The following TENM2 variants were observed in gnomAD, a reference collection of about 807,000 sequenced individuals.
TENM2 encodes teneurin-2.
A neutral mutation model predicts 245.2 loss-of-function variants in TENM2; 52 were observed. The observed-to-expected ratio is 0.21, with a 90% CI of 0.17 to 0.27. The LOEUF (loss-of-function observed/expected upper bound fraction) is 0.27, where lower values mean the gene tolerates loss of function less well. Among genes scored for constraint, TENM2 ranks in the 10% least tolerant of loss-of-function variants. The probability of loss-of-function intolerance (pLI) is 1.00; values close to 1 mark genes in which losing one functional copy is unlikely to be tolerated. For synonymous variants in TENM2, 1,363 were observed against 1,438.9 expected, an observed-to-expected ratio of 0.95 and a Z score of 1.19; for missense variants, 3,046 against 3,666.8, an observed-to-expected ratio of 0.83 and a Z score of 4.37.
the TENM2 span, among the ~76,000 whole-genome samples, chr5:167,187,469 A>G: frequency 6.6e-6 from 1 of 152,198 alleles, no homozygotes; most frequent in Non-Finnish European, 1.5e-5. Flanking sequence ...TCTTAGCTTT[A>G]CATGACAGAT....
rs145919448 is a variant in TENM2, at chr5:168,072,610, A to G, written c.1515+10345A>G. ...TGAGATGCAGTCCAGAGTGGAGGAT[A>G]AGAGCTGACACTCTACGATCATCCT... On this transcript the variant is annotated intron_variant, in intron 7 of 28. Transcript: ENST00000518659. 9.3e-4 allele frequency among the ~76,000 whole-genome samples: 141 copies of G among 152,294 alleles called. 1 individual carries two copies. Among genetic ancestry groups the G allele is most frequent in the Middle Eastern group, 6.8e-3 (2 of 294 alleles).
At chr5:168,127,046 C>G in intron 12 of TENM2, 80 bp downstream of exon 14, 1 of 1,196,800 alleles carries the variant, frequency 8.4e-7, no homozygotes, top group Non-Finnish European at 1.2e-6. Flanking sequence ...TTCAGGGACA[C>G]AAGTGCTCTC....
intron 1 of TENM2, among the ~76,000 whole-genome samples, chr5:167,331,352 A>G (rs910124464): frequency 2.0e-5 from 3 of 152,202 alleles, no homozygotes; most frequent in African/African-American, 7.2e-5. Context: ...ATTATTTCAA[A>G]AATTAATGGC....
At chr5:167,985,691 C>T (rs1783191746) in intron 4 of TENM2, among the ~76,000 whole-genome samples, 1 of 152,146 alleles carries the variant, frequency 6.6e-6, no homozygotes, top group Non-Finnish European at 1.5e-5. Flanking sequence ...CACAGCCCTG[C>T]TAGGATTTTC....
At chr5:167,498,885 AT>A (rs1768994012) in intron 2 of TENM2, among the ~76,000 whole-genome samples, 2 of 152,138 alleles carry the variant, frequency 1.3e-5, no homozygotes, top group Non-Finnish European at 2.9e-5. Flanking sequence ...GTATAGGGGA[AT>A]TATCTTATAA....
chr5:168,032,263 T>G (rs1299570860), intron 5 of TENM2, among the ~76,000 whole-genome samples: 2 of 152,240 alleles, frequency 1.3e-5, no homozygotes, highest in East Asian at 3.8e-4. Context: ...GTGCTTATTA[T>G]AACAGTGCAT....
intron 3 of TENM2, among the ~76,000 whole-genome samples, chr5:167,903,108 A>T (rs1409928532): frequency 6.6e-6 from 1 of 152,258 alleles, no homozygotes; most frequent in Non-Finnish European, 1.5e-5. Context: ...TAATTTGTCA[A>T]TATTCAATAA....
intron 1 of TENM2, among the ~76,000 whole-genome samples, chr5:167,308,880 A>C (rs1278348319): frequency 6.6e-6 from 1 of 152,164 alleles, no homozygotes; most frequent in African/African-American, 2.4e-5. Context: ...GAGACGAACA[A>C]AGGGAAACCA....
chr5:167,984,095 A>C (rs940879803), intron 4 of TENM2, among the ~76,000 whole-genome samples: 2 of 152,186 alleles, frequency 1.3e-5, no homozygotes, highest in African/African-American at 4.8e-5. Context: ...TCAGCCTCCT[A>C]GCAAGGTTAA....
chr5:168,097,375 T>C (rs191445657), intron 8 of TENM2, among the ~76,000 whole-genome samples: 3 of 152,298 alleles, frequency 2.0e-5, no homozygotes, highest in Admixed American at 1.3e-4. Flanking sequence ...GGAGCTTTCA[T>C]AGTTTTTAAA....
At chr5:167,196,671 A>C in the TENM2 span, among the ~76,000 whole-genome samples, 1 of 151,764 alleles carries the variant, frequency 6.6e-6, no homozygotes. Context: ...GATTCAACCA[A>C]CTATGGACTG....
At chr5:167,891,518 C>T (rs1011393397) in intron 3 of TENM2, among the ~76,000 whole-genome samples, 3 of 152,142 alleles carry the variant, frequency 2.0e-5, no homozygotes, top group Non-Finnish European at 2.9e-5. Flanking sequence ...TTTTAGGGAT[C>T]CTGGACCCAA....
In TENM2 at chr5:167,791,285, G is replaced by T. The variant is rs1028044800; in HGVS notation, c.503-84701G>T. ...GAAACTATTTTTTATATGTATGCAG[G>T]TGTGTATTTTTATAATCTGTGTATC... On this transcript the variant is annotated intron_variant, in intron 2 of 28. Coordinates refer to ENST00000518659, the Ensembl canonical transcript of TENM2. Among the ~76,000 whole-genome samples, 46 of 151,422 alleles carry T rather than the reference G, an allele frequency of 3.0e-4. No individual in the cohort carries two copies. In the Admixed American group the frequency reaches 3.0e-3, roughly 10 times the overall value.
intron 27 of TENM2, among the ~76,000 whole-genome samples, chr5:168,259,340 C>A (rs1231938964): frequency 6.6e-6 from 1 of 152,070 alleles, no homozygotes; most frequent in Non-Finnish European, 1.5e-5. Context: ...GTAATCCCAG[C>A]ACTTTGGGAG....
chr5:167,409,811 C>T lies in TENM2; in HGVS notation c.502+34338C>T, dbSNP rs551215577. On this transcript the variant is annotated intron_variant, in intron 2 of 28. Coordinates refer to ENST00000518659, the Ensembl canonical transcript of TENM2. ...TCTGCACATTGATAATAGCAAAATA[C>T]CAGTTGTATCAGTGATCCATGATGA... 8.6e-4 allele frequency among the ~76,000 whole-genome samples: 130 copies of T among 151,702 alleles called. 2 individuals carry two copies. The highest frequency in any genetic ancestry group is 1.7e-3 in the Non-Finnish European group (113 of 67,742).
intron 2 of TENM2, among the ~76,000 whole-genome samples, chr5:167,709,322 C>A (rs893733118): frequency 3.3e-5 from 5 of 152,152 alleles, no homozygotes; most frequent in African/African-American, 1.2e-4. Context: ...GAATTTATTT[C>A]TCCTTCCCTA....
At chr5:167,809,325 G>T (rs576470500) in intron 2 of TENM2, among the ~76,000 whole-genome samples, 3 of 152,198 alleles carry the variant, frequency 2.0e-5, no homozygotes, top group East Asian at 1.9e-4. Flanking sequence ...TCCCATTTTT[G>T]AATCACTTTT....
intron 6 of TENM2, among the ~76,000 whole-genome samples, chr5:168,049,715 T>C (rs918374006): frequency 5.9e-5 from 9 of 152,246 alleles, no homozygotes; most frequent in Admixed American, 5.9e-4. Context: ...AACATGCTTT[T>C]GAAAATGTTG....
chr5:167,371,756 GT>G (rs1760455609), intron 1 of TENM2, among the ~76,000 whole-genome samples: 2 of 152,118 alleles, frequency 1.3e-5, no homozygotes, highest in African/African-American at 4.8e-5. Context: ...GACTGTAAAT[GT>G]CATGGACTAT....
Sources: gnomAD v4.1 joint callset for allele counts (sites outside exome capture counted in the v4.1 genomes callset) on GRCh38, gnomAD v4.1.1 for gene constraint, MANE v1.5 for transcripts, NCBI Gene and HGNC (gene_info 2026-07-23, HGNC 2026-07-21) for gene names.